Variants in OR7C1 observed in about 807,000 individuals in gnomAD.
The protein encoded by OR7C1 is olfactory receptor 7C1.
For missense variants in OR7C1, 324 were observed against 383.3 expected, an observed-to-expected ratio of 0.85 and a Z score of 1.29; for synonymous variants, 152 against 160.7, an observed-to-expected ratio of 0.95 and a Z score of 0.41.
chr19:14,827,124 T>G, intron 1 of OR7C1: 1 of 648,046 alleles, frequency 1.5e-6, no homozygotes, highest in Non-Finnish European at 2.3e-6. Context: ...GCAGAAAGCT[T>G]AATAAAAGGA....
intron 1 of OR7C1, chr19:14,825,676 G>C (rs1911926114): frequency 6.6e-6 from 1 of 152,236 alleles, no homozygotes; most frequent in Non-Finnish European, 1.5e-5. Context: ...CCCAACTGTG[G>C]CCACCCTAGG....
At chr19:14,811,567 T>C (rs2044690998) in intron 1 of OR7C1, among the ~76,000 whole-genome samples, 1 of 151,814 alleles carries the variant, frequency 6.6e-6, no homozygotes, top group Non-Finnish European at 1.5e-5. Flanking sequence ...GGGGTGAGGA[T>C]GTGAGCTTAT....
At chr19:14,815,232 C>T (rs1032127036) in intron 1 of OR7C1, among the ~76,000 whole-genome samples, 3 of 152,178 alleles carry the variant, frequency 2.0e-5, no homozygotes, top group Non-Finnish European at 2.9e-5. Context: ...GGCTCGTCTA[C>T]AGAGGCTGCT....
intron 1 of OR7C1, among the ~76,000 whole-genome samples, chr19:14,816,109 G>C (rs953006512): frequency 3.9e-5 from 6 of 152,128 alleles, no homozygotes; most frequent in African/African-American, 1.4e-4. Context: ...ACAGACATGA[G>C]CCGCCATGTT....
chr19:14,811,218 TTC>T (rs917019763), intron 1 of OR7C1, among the ~76,000 whole-genome samples: 3 of 151,866 alleles, frequency 2.0e-5, no homozygotes, highest in African/African-American at 4.9e-5. Flanking sequence ...CAGGAATGTA[TTC>T]TCTTATAGTT....
At chr19:14,832,421 TC>T (rs1438463752) in intron 1 of OR7C1, among the ~76,000 whole-genome samples, 1 of 150,546 alleles carries the variant, frequency 6.6e-6, no homozygotes, top group Non-Finnish European at 1.5e-5. Flanking sequence ...TCTCTTTCTT[TC>T]TTTTTTCTTT....
chr19:14,819,566 A>G (rs1009650644), intron 1 of OR7C1, among the ~76,000 whole-genome samples: 5 of 152,138 alleles, frequency 3.3e-5, no homozygotes, highest in African/African-American at 1.2e-4. Context: ...TAACCAGTCT[A>G]TTGTTGATGG....
At chr19:14,811,608 A>G (rs2044691315) in intron 1 of OR7C1, among the ~76,000 whole-genome samples, 1 of 151,650 alleles carries the variant, frequency 6.6e-6, no homozygotes, top group African/African-American at 2.4e-5. Context: ...CAACTCACCA[A>G]ACTTACTGTG....
chr19:14,816,589 G>C (rs28409744), intron 1 of OR7C1, among the ~76,000 whole-genome samples: 1 of 151,972 alleles, frequency 6.6e-6, no homozygotes. Flanking sequence ...GCCTTCAGCC[G>C]CAGACTGAAG....
intron 1 of OR7C1, 45 bp downstream of exon 1, chr19:14,835,029 C>T (rs1345496389): frequency 2.0e-5 from 3 of 152,202 alleles, no homozygotes; most frequent in African/African-American, 7.2e-5. Context: ...TGCATCTATT[C>T]CATCTATTGT....
chr19:14,816,518 C>T (rs1249574802), intron 1 of OR7C1, among the ~76,000 whole-genome samples: 1 of 152,170 alleles, frequency 6.6e-6, no homozygotes, highest in Admixed American at 6.5e-5. Flanking sequence ...AACATCAGAC[C>T]TCAAGTTCTT....
At chr19:14,802,394 C>T (rs990704696) in intron 2 of OR7C1, among the ~76,000 whole-genome samples, 1 of 152,204 alleles carries the variant, frequency 6.6e-6, no homozygotes, top group Non-Finnish European at 1.5e-5. Flanking sequence ...GTGGCACACG[C>T]CTGTAATCCC....
intron 1 of OR7C1, among the ~76,000 whole-genome samples, chr19:14,831,708 G>C (rs1175387650): frequency 6.6e-6 from 1 of 152,000 alleles, no homozygotes; most frequent in East Asian, 1.9e-4. Context: ...CTCCCAAAGT[G>C]CTGGGATTAC....
chr19:14,824,957 G>A (rs557894755), intron 1 of OR7C1: 4 of 152,314 alleles, frequency 2.6e-5, no homozygotes, highest in African/African-American at 4.8e-5. Context: ...CAGGTGTGGT[G>A]GTGGTTCATG....
intron 1 of OR7C1, among the ~76,000 whole-genome samples, chr19:14,823,080 C>T (rs1173906471): frequency 6.6e-6 from 1 of 152,088 alleles, no homozygotes; most frequent in Non-Finnish European, 1.5e-5. Flanking sequence ...AAAACCATTG[C>T]CCAGACTACT....
At chr19:14,815,845 A>T (rs1182261740) in intron 1 of OR7C1, among the ~76,000 whole-genome samples, 1 of 150,888 alleles carries the variant, frequency 6.6e-6, no homozygotes, top group Non-Finnish European at 1.5e-5. Flanking sequence ...GTGTTGAGAC[A>T]AGGTCTTGCT....
intron 1 of OR7C1, among the ~76,000 whole-genome samples, chr19:14,821,119 T>A (rs1032619685): frequency 6.6e-6 from 1 of 152,084 alleles, no homozygotes; most frequent in Non-Finnish European, 1.5e-5. Context: ...GTGCCTGTAA[T>A]CCCAGCTACT....
At chr19:14,802,391 A>C (rs2044646296) in intron 2 of OR7C1, among the ~76,000 whole-genome samples, 1 of 152,166 alleles carries the variant, frequency 6.6e-6, no homozygotes, top group East Asian at 1.9e-4. Flanking sequence ...GTGGTGGCAC[A>C]CGCCTGTAAT....
At position 14,827,620 on chromosome 19, in the gene OR7C1, C is replaced by T. The variant is rs765398907; in HGVS notation, c.-623+7454G>A. The stretch of plus-strand genomic sequence containing the variant: ...TAAAGGATCCCAGTCAGGGGACCTC[C>T]ACCCAGCAGCGCAACTGTAAAATAT... On this transcript the variant is annotated intron_variant, in intron 1 of 4. Transcript: ENST00000641666. The T allele has an allele frequency of 2.5e-6, 4 of 1,614,168 alleles. No homozygotes were observed. The Admixed American group carries it at 5.0e-5, about 20-fold the overall frequency.
Sources: gnomAD v4.1 joint callset for allele counts (sites outside exome capture counted in the v4.1 genomes callset) on GRCh38, gnomAD v4.1.1 for gene constraint, MANE v1.5 for transcripts, NCBI Gene and HGNC (gene_info 2026-07-23, HGNC 2026-07-21) for gene names.